The following SNTG1 variants were observed in gnomAD, a reference collection of about 807,000 sequenced individuals.
SNTG1 encodes gamma-1-syntrophin.
In SNTG1, 39 loss-of-function variants were observed where a neutral mutation model predicts 74.7. That is an observed-to-expected ratio of 0.52 (90% CI 0.40 to 0.68). The LOEUF (loss-of-function observed/expected upper bound fraction) is 0.68. SNTG1 is among the 30% of genes least tolerant of loss of function. SNTG1 has a pLI of 0.00. For synonymous variants in SNTG1, 254 were observed against 217.1 expected, an observed-to-expected ratio of 1.17 and a Z score of -1.49; for missense variants, 685 against 609.5, an observed-to-expected ratio of 1.12 and a Z score of -1.30.
intron 17 of SNTG1, among the ~76,000 whole-genome samples, chr8:50,720,127 A>T (rs988022167): frequency 6.6e-6 from 1 of 152,206 alleles, no homozygotes; most frequent in Non-Finnish European, 1.5e-5. Flanking sequence ...CTAAGACTCC[A>T]TAATAACGAC....
chr8:50,648,051 G>A (rs1028668716), intron 13 of SNTG1, among the ~76,000 whole-genome samples: 2 of 152,072 alleles, frequency 1.3e-5, no homozygotes, highest in Non-Finnish European at 2.9e-5. Flanking sequence ...GTACTTTTTG[G>A]CATCTGAGAC....
chr8:50,342,575 C>G (rs1210122345), intron 2 of SNTG1, among the ~76,000 whole-genome samples: 2 of 152,072 alleles, frequency 1.3e-5, no homozygotes, highest in Non-Finnish European at 2.9e-5. Flanking sequence ...TAAAACACAT[C>G]TATTGTGTTA....
intron 17 of SNTG1, among the ~76,000 whole-genome samples, chr8:50,751,793 C>T (rs1053506543): frequency 1.3e-5 from 2 of 151,884 alleles, no homozygotes; most frequent in East Asian, 1.9e-4. Context: ...ATAATTATTT[C>T]ATGGATAAAA....
Position 50,532,929 on chromosome 8 carries a change from A to T in SNTG1, c.549+2670A>T, listed in dbSNP as rs181670236. On this transcript the variant is annotated intron_variant, in intron 10 of 18. Coordinates refer to ENST00000642720, the MANE Select transcript of SNTG1 (RefSeq NM_018967.5). The stretch of plus-strand genomic sequence containing the variant: ...ATACCTTGATCTGAAGCCAATTTTG[A>T]GTAGGTATTATTCTGGTTTTCTAAC... 4.9e-3 allele frequency among the ~76,000 whole-genome samples: 753 copies of T among 152,304 alleles called. 8 individuals are homozygous for T. Among genetic ancestry groups the T allele is most frequent in the South Asian group, 0.019 (94 of 4,824 alleles).
intron 13 of SNTG1, among the ~76,000 whole-genome samples, chr8:50,633,818 G>A (rs2095020702): frequency 6.6e-6 from 1 of 152,206 alleles, no homozygotes; most frequent in Non-Finnish European, 1.5e-5. Flanking sequence ...GATTTGGGAA[G>A]TGTTCACAGT....
intron 15 of SNTG1, among the ~76,000 whole-genome samples, chr8:50,703,424 G>T (rs962703670): frequency 1.3e-5 from 2 of 151,998 alleles, no homozygotes; most frequent in African/African-American, 2.4e-5. Context: ...CCCACTGGAA[G>T]GTCTTCAGGG....
chr8:50,647,784 T>A (rs2095119420), intron 13 of SNTG1, among the ~76,000 whole-genome samples: 1 of 152,184 alleles, frequency 6.6e-6, no homozygotes, highest in Non-Finnish European at 1.5e-5. Flanking sequence ...AAATGATAGA[T>A]GTTTGGAAGT....
chr8:50,450,402 C>T lies in SNTG1; in HGVS notation c.278-154C>T, dbSNP rs577172481. Among the ~76,000 whole-genome samples, 6 of 152,208 alleles carry T rather than the reference C, an allele frequency of 3.9e-5. No homozygotes were observed. The East Asian group carries it at 1.2e-3, about 29-fold the overall frequency. On this transcript the variant is annotated intron_variant, in intron 6 of 18. Transcript: ENST00000642720. ...GTAATTAGACTGAGTCATATTGTTTCGAATTTCCATTTTTTGTGGATCTTT... is the reference window on the plus strand; with the variant it reads ...GTAATTAGACTGAGTCATATTGTTTTGAATTTCCATTTTTTGTGGATCTTT...
rs1251987971 is a variant in SNTG1, at chr8:50,796,300, G to A, written c.*3471G>A. On this transcript the variant is annotated 3_prime_UTR_variant, in exon 19 of 19. Coordinates refer to ENST00000642720, the MANE Select transcript of SNTG1 (RefSeq NM_018967.5). ...TTCGGATACTAATAACAAAGATTTT[G>A]CTACTATTAATATTGCTGTGCTCAT... is the stretch of plus-strand genomic sequence containing the variant. The A allele has an allele frequency of 6.6e-6, 1 of 151,276 alleles. No individual in the cohort carries two copies. The highest frequency in any genetic ancestry group is 2.4e-5 in the African/African-American group (1 of 41,180). The allele number at this position is 151,276 out of a possible 1,614,324, so 9.4% of individuals were successfully genotyped here. A position where few individuals can be genotyped will look rare whatever the true frequency, so the allele number is the denominator to read the frequency against.
chr8:50,237,976 T>C (rs2132111076), intron 2 of SNTG1, among the ~76,000 whole-genome samples: 1 of 152,284 alleles, frequency 6.6e-6, no homozygotes, highest in African/African-American at 2.4e-5. Flanking sequence ...CTTTTTGTTT[T>C]TAAGATAAGA....
At position 50,698,823 on chromosome 8, in the gene SNTG1, C is replaced by T. The variant is rs141698118; in HGVS notation, c.1039-5777C>T. Among the ~76,000 whole-genome samples, 591 of 152,162 alleles carry T rather than the reference C, an allele frequency of 3.9e-3. 5 individuals are homozygous for T. The highest frequency in any genetic ancestry group is 0.011 in the African/African-American group (464 of 41,516). On this transcript the variant is annotated intron_variant, in intron 15 of 18. Coordinates refer to ENST00000642720, the MANE Select transcript of SNTG1 (RefSeq NM_018967.5). The stretch of plus-strand genomic sequence containing the variant: ...GCTTAGAAAAGTCATGGTGCTCTAC[C>T]GTGGCCTGAATTATATGATTCTATA...
At chr8:50,599,219 CTG>C (rs1257721711) in intron 13 of SNTG1, among the ~76,000 whole-genome samples, 17 of 152,112 alleles carry the variant, frequency 1.1e-4, no homozygotes, top group Non-Finnish European at 4.4e-5. Context: ...TTCCAATGAT[CTG>C]TGTGTCTGTT....
At chr8:50,163,255 C>T (rs554187464) in intron 1 of SNTG1, among the ~76,000 whole-genome samples, 38 of 152,290 alleles carry the variant, frequency 2.5e-4, no homozygotes, top group African/African-American at 8.4e-4. Flanking sequence ...AAACTAAATC[C>T]CATATTCTCT....
intron 1 of SNTG1, among the ~76,000 whole-genome samples, chr8:50,089,804 C>G (rs372206520): frequency 5.3e-5 from 8 of 151,896 alleles, no homozygotes; most frequent in Non-Finnish European, 7.4e-5. Context: ...TTTACACTGT[C>G]GGTGGGACTG....
intron 17 of SNTG1, among the ~76,000 whole-genome samples, chr8:50,716,368 C>A (rs540570694): frequency 6.6e-6 from 1 of 152,046 alleles, no homozygotes; most frequent in Admixed American, 6.6e-5. Flanking sequence ...ATAGTTCTGA[C>A]AATATTCACA....
At position 50,795,265 on chromosome 8, in the gene SNTG1, G is replaced by A. The variant is rs137962759; in HGVS notation, c.*2436G>A. On this transcript the variant is annotated 3_prime_UTR_variant, in exon 19 of 19. Transcript: ENST00000642720. ...TTTATTTAACATGATTAGTACAACA[G>A]CCAAAAAGTAACAAAATACTATTCT... 33 of 152,044 alleles carry A rather than the reference G, an allele frequency of 2.2e-4. No homozygotes were observed. The highest frequency in any genetic ancestry group is 7.7e-4 in the African/African-American group (32 of 41,522). The allele number at this position is 152,044 out of a possible 1,614,324, so 9.4% of individuals were successfully genotyped here.
chr8:50,195,022 T>A (rs1239044534), intron 2 of SNTG1, among the ~76,000 whole-genome samples: 3 of 152,126 alleles, frequency 2.0e-5, no homozygotes, highest in East Asian at 3.9e-4. Context: ...ATATGCCCCT[T>A]GTCTTCTGCT....
chr8:50,033,139 G>A (rs1306459006), intron 1 of SNTG1, among the ~76,000 whole-genome samples: 1 of 150,972 alleles, frequency 6.6e-6, no homozygotes, highest in African/African-American at 2.4e-5. Context: ...TTTTGAGACG[G>A]AGTTTCGCTC....
intron 1 of SNTG1, among the ~76,000 whole-genome samples, chr8:49,997,352 A>T (rs928133787): frequency 3.6e-4 from 54 of 152,072 alleles, no homozygotes; most frequent in African/African-American, 1.3e-3. Context: ...GATTATTCCC[A>T]TAAGTATATA....
Sources: allele counts gnomAD v4.1 joint callset (sites outside exome capture counted in the v4.1 genomes callset), GRCh38; gene constraint gnomAD v4.1.1; transcripts MANE v1.5; gene names NCBI Gene and HGNC (gene_info 2026-07-23, HGNC 2026-07-21).